PRRC2A: variants seen among roughly 807,000 people sequenced by gnomAD.
PRRC2A encodes the protein protein PRRC2A.
PRRC2A carries 59 observed loss-of-function variants against 224.6 expected under a neutral mutation model. The ratio of observed to expected loss-of-function variants is 0.26; its 90% CI spans 0.21 to 0.33. The LOEUF is 0.33. Ranked by LOEUF, PRRC2A falls within the 10% of genes least tolerant of loss-of-function variation. The probability of loss-of-function intolerance (pLI) is 1.00; values close to 1 mark genes in which losing one functional copy is unlikely to be tolerated. For synonymous variants in PRRC2A, 1,194 were observed against 1,109.5 expected, an observed-to-expected ratio of 1.08 and a Z score of -1.51; for missense variants, 3,095 against 2,880.7, an observed-to-expected ratio of 1.07 and a Z score of -1.70.
rs768743190 is a variant in PRRC2A at position 31,631,689 on chromosome 6, G to A, written c.3016G>A (p.Ala1006Thr). The A allele has an allele frequency of 2.0e-6, 3 of 1,514,198 alleles. No individual in the cohort carries two copies. The highest frequency in any genetic ancestry group is 2.6e-6 in the Non-Finnish European group (3 of 1,132,980). The allele number at this position is 1,514,198 out of a possible 1,614,324, so 93.8% of individuals were successfully genotyped here. Reference sequence around the variant, plus strand: ...CCCACCCAATGGAAATCTTTCCCCTGCCCCAAGGCTTCGGAGGGACTATTC... The same window carrying A: ...CCCACCCAATGGAAATCTTTCCCCTACCCCAAGGCTTCGGAGGGACTATTC... Reference protein sequence around the residue: ...ETPPNGNLSPAPRLRRDYSYE... With the variant: ...ETPPNGNLSPTPRLRRDYSYE... Residue 1006 changes from alanine to threonine, a missense_variant, in exon 16 of 31, where the codon GCC becomes ACC. Physicochemically the swap from Ala to Thr is moderately conservative, Grantham distance 58 (BLOSUM62 0). Coordinates refer to ENST00000376033, the MANE Select transcript of PRRC2A (RefSeq NM_004638.4). The surrounding 1 kb of genome is among the most constrained non-coding windows in gnomAD (Gnocchi z 4.5).
chr6:31,633,927 G>C lies in PRRC2A; in HGVS notation c.4657G>C (p.Val1553Leu). ...VGGTPRDSAG[V>L]SPFPPKRRER... The stretch of plus-strand genomic sequence containing the variant: ...TGGGACTCCTCGGGACTCTGCCGGG[G>C]TTAGTCCCTTTCCCCCTAAACGTCG... Residue 1553 changes from valine to leucine, a missense_variant, in exon 18 of 31, where the codon GTT (valine) becomes CTT (leucine). Physicochemically the swap from Val to Leu is conservative, Grantham distance 32. This residue lies in a region of PRRC2A where 2,001 missense variants were observed against 1,764.9 expected (regional missense o/e 1.13). Transcript: ENST00000376033. The C allele has an allele frequency of 6.3e-7, 1 of 1,591,904 alleles. No individual in the cohort carries two copies. The highest frequency in any genetic ancestry group is 8.5e-7 in the Non-Finnish European group (1 of 1,174,704).
At position 31,621,983 on chromosome 6, in the gene PRRC2A, A is replaced by G. The variant is rs375051824; in HGVS notation, c.-100-707A>G. On this transcript the variant is annotated intron_variant, in intron 1 of 30. Coordinates refer to ENST00000376033, the MANE Select transcript of PRRC2A (RefSeq NM_004638.4). The stretch of plus-strand genomic sequence containing the variant: ...CCATAATGCTTTTTCTCAGTTCTTC[A>G]TATGGTAAAACAGTATTTCATCTGG... 3.0e-4 allele frequency among the ~76,000 whole-genome samples: 46 copies of G among 152,366 alleles called. No individual in the cohort carries two copies. The South Asian group carries it at 7.7e-3, about 25-fold the overall frequency.
Position 31,626,983 on chromosome 6 carries a change from A to G in PRRC2A, c.1075A>G (p.Arg359Gly), listed in dbSNP as rs776601434. The change falls in exon 11 of 31, where the codon AGG becomes GGG. Residue 359 changes from arginine to glycine, a missense_variant and splice_region_variant. Arg to Gly is a moderately radical substitution (Grantham distance 125). Coordinates refer to ENST00000376033, the MANE Select transcript of PRRC2A (RefSeq NM_004638.4). ...DSDEEGAEGH[R>G]DSQSASGEER... The stretch of plus-strand genomic sequence containing the variant: ...ATTTCACTGTTGATCTGCTCACAGC[A>G]GGGATTCCCAATCAGCTTCTGGTGA... The G allele has an allele frequency of 2.5e-6, 4 of 1,614,236 alleles. No homozygotes were observed. The highest frequency in any genetic ancestry group is 1.6e-4 in the Middle Eastern group (1 of 6,062).
chr6:31,634,853 C>A lies in PRRC2A; in HGVS notation c.5036C>A (p.Ala1679Glu). ...TCCCCTGATGGAGGACTCAAGGGGGCAGCAGAGGGACCCCCCAAGAGGCCT... is the reference window on the plus strand; with the variant it reads ...TCCCCTGATGGAGGACTCAAGGGGGAAGCAGAGGGACCCCCCAAGAGGCCT... ...RSSPDGGLKG[A>E]AEGPPKRPGG... Residue 1679 changes from alanine to glutamate, a missense_variant, in exon 21 of 31, where the codon GCA (alanine) becomes GAA (glutamate). Ala to Glu is a moderately radical substitution (Grantham distance 107, BLOSUM62 -1). This residue lies in a region of PRRC2A where 662 missense variants were observed against 609.5 expected (regional missense o/e 1.09). Coordinates refer to ENST00000376033, the MANE Select transcript of PRRC2A (RefSeq NM_004638.4). 3.1e-6 allele frequency: 5 copies of A among 1,613,018 alleles called. No homozygotes were observed. Among genetic ancestry groups the A allele is most frequent in the Non-Finnish European group, 4.2e-6 (5 of 1,180,010 alleles).
chr6:31,624,482 C>T lies in PRRC2A; in HGVS notation c.423C>T (p.Ser141=). The T allele has an allele frequency of 6.2e-7, 1 of 1,613,974 alleles. No homozygotes were observed. Among genetic ancestry groups the T allele is most frequent in the Non-Finnish European group, 8.5e-7 (1 of 1,179,828 alleles). ...NTPLVPSGVK[S]WAQASVTHGA... is the part of the protein sequence containing the mutation. The stretch of plus-strand genomic sequence containing the variant: ...CTTTGGTTCCAAGCGGGGTAAAGTC[C>T]TGGGCACAAGCCAGCGTCACCCATG... The change falls in exon 5 of 31, where the codon TCC becomes TCT. Residue 141 remains serine, a synonymous_variant. Coordinates refer to ENST00000376033, the MANE Select transcript of PRRC2A (RefSeq NM_004638.4).
chr6:31,627,172 AACTGGGGCCCCCCTGGGG>A lies in PRRC2A; in HGVS notation c.1268_1285del (p.Trp423_Asp428del). 6.2e-7 allele frequency: 1 copy of A among 1,612,332 alleles called. No individual in the cohort carries two copies. The highest frequency in any genetic ancestry group is 8.5e-7 in the Non-Finnish European group (1 of 1,179,078). On this transcript the variant is annotated inframe_deletion, in exon 11 of 31. Coordinates refer to ENST00000376033, the MANE Select transcript of PRRC2A (RefSeq NM_004638.4). The surrounding 1 kb of genome is among the most constrained non-coding windows in gnomAD (Gnocchi z 5.6). The stretch of plus-strand genomic sequence containing the variant: ...CCCACCTCACCGGGGCCCCGCCGGG[AACTGGGGCCCCCCTGGGG>A]ACTACCCAGTGAGTGTCTCCAATAA...
Position 31,630,455 on chromosome 6 carries a change from A to T in PRRC2A, c.2255-136A>T, listed in dbSNP as rs1040219059. ...GAATCTGAGTGGATAACCTTGTTAT[A>T]TAAGAGCAGGCAAGGCCCGGACCTA... On this transcript the variant is annotated intron_variant, in intron 14 of 30. Coordinates refer to ENST00000376033, the MANE Select transcript of PRRC2A (RefSeq NM_004638.4). 4 of 760,846 alleles carry T rather than the reference A, an allele frequency of 5.3e-6. No homozygotes were observed. The Admixed American group carries it at 7.7e-5, about 15-fold the overall frequency. The allele number at this position is 760,846 out of a possible 1,614,324, so 47.1% of individuals were successfully genotyped here.
In PRRC2A at chr6:31,626,781, A is replaced by G; in HGVS notation, c.992A>G (p.Glu331Gly). The G allele has an allele frequency of 6.3e-6, 10 of 1,580,554 alleles. No individual in the cohort carries two copies. The highest frequency in any genetic ancestry group is 8.6e-6 in the Non-Finnish European group (10 of 1,163,176). Residue 331 changes from glutamate (E) to glycine (G), a missense_variant, in exon 10 of 31, where the codon GAA becomes GGA. Glu to Gly is a moderately conservative substitution (Grantham distance 98). This residue lies in a region of PRRC2A where 11 missense variants were observed against 30.0 expected (regional missense o/e 0.37). Transcript: ENST00000376033. ...ENDDGWAGAH[E>G]EVDYTEKLKF... ...TCATATTTCCCCTCAGGGGCCCATG[A>G]AGAGGTTGACTACACTGAAAAGCTC...
At chr6:31,633,686 C>T (rs1776957815) in intron 17 of PRRC2A, 39 bp downstream of exon 17, 1 of 1,574,296 alleles carries the variant, frequency 6.4e-7, no homozygotes, top group Non-Finnish European at 8.6e-7. Flanking sequence ...ATCTCCATCC[C>T]CAGAGAAGGT....
chr6:31,634,684 G>C, intron 20 of PRRC2A, 69 bp from the exon 21 acceptor site: 1 of 1,563,810 alleles, frequency 6.4e-7, no homozygotes, highest in South Asian at 1.1e-5. Flanking sequence ...CAGTTTGTAT[G>C]TGTGCATCAG....
chr6:31,628,673 T>G (rs1411910136), intron 12 of PRRC2A: 1 of 219,902 alleles, frequency 4.5e-6, no homozygotes, highest in Non-Finnish European at 9.0e-6. Context: ...GAAACCCGTC[T>G]CTACTAAAAA....
At position 31,627,618 on chromosome 6, in the gene PRRC2A, A is replaced by G; in HGVS notation, c.1291-147A>G. On this transcript the variant is annotated intron_variant, in intron 11 of 30. Coordinates refer to ENST00000376033, the MANE Select transcript of PRRC2A (RefSeq NM_004638.4). This position sits in a 1 kb window ranked among gnomAD's most constrained non-coding sequence, Gnocchi z 5.6. ...ACGTGGTCTCAAAGAAGACCAGGAT[A>G]ATGAGTTTGTCACCACCCAGAGAGA... The G allele has an allele frequency of 9.7e-7, 1 of 1,025,714 alleles. No individual in the cohort carries two copies. Among genetic ancestry groups the G allele is most frequent in the Non-Finnish European group, 1.4e-6 (1 of 722,112 alleles). The allele number at this position is 1,025,714 out of a possible 1,614,324, so 63.5% of individuals were successfully genotyped here. A position where few individuals can be genotyped will look rare whatever the true frequency, so the allele number is the denominator to read the frequency against.
In PRRC2A at chr6:31,635,739, C is replaced by T. The variant is rs765553115; in HGVS notation, c.5531C>T (p.Ser1844Phe). 1.3e-6 allele frequency: 2 copies of T among 1,585,524 alleles called. No homozygotes were observed. The highest frequency in any genetic ancestry group is 8.6e-7 in the Non-Finnish European group (1 of 1,166,996). The stretch of plus-strand genomic sequence containing the variant: ...GTTTTCTATGGCAGTGCTGGGCCTT[C>T]CAGTTCTCAGGTAGGCCCCGCTTCC... ...PEVFYGSAGP[S>F]SSQISGGAMD... Residue 1844 changes from serine (S) to phenylalanine (F), a missense_variant, in exon 24 of 31, where the codon TCC becomes TTC. Ser to Phe is a radical substitution (Grantham distance 155, BLOSUM62 -2). Transcript: ENST00000376033.
At chr6:31,633,722 A>T (rs1776962190) in intron 17 of PRRC2A, 75 bp downstream of exon 17, 3 of 1,541,492 alleles carry the variant, frequency 1.9e-6, no homozygotes, top group Non-Finnish European at 2.6e-6. Flanking sequence ...GCGGGTGGAG[A>T]ACCTGGCCTA....
rs752588140 is a variant in PRRC2A, at chr6:31,633,882, C to T, written c.4612C>T (p.Pro1538Ser). The T allele has an allele frequency of 1.3e-6, 2 of 1,580,178 alleles. No individual in the cohort carries two copies. Among genetic ancestry groups the T allele is most frequent in the Non-Finnish European group, 1.7e-6 (2 of 1,171,576 alleles). The change falls in exon 18 of 31, where the codon CCA becomes TCA. Residue 1538 changes from proline to serine, a missense_variant. Around this residue, in one of 8 missense-constraint regions of PRRC2A, gnomAD observed 2,001 missense variants for 1,764.9 expected, o/e 1.13. Coordinates refer to ENST00000376033, the MANE Select transcript of PRRC2A (RefSeq NM_004638.4). ...AGACCCCCACTTTGAGGAGCCGGGGCCAATGGTGAGAGGGGTGGGTGGGAC... is the reference window on the plus strand; with the variant it reads ...AGACCCCCACTTTGAGGAGCCGGGGTCAATGGTGAGAGGGGTGGGTGGGAC... ...SSDPHFEEPG[P>S]MVRGVGGTPR... is the part of the protein sequence containing the mutation.
intron 1 of PRRC2A, among the ~76,000 whole-genome samples, 164 bp downstream of exon 1, chr6:31,621,022 C>T (rs1294990645): frequency 6.6e-6 from 1 of 152,224 alleles, no homozygotes; most frequent in Non-Finnish European, 1.5e-5. Context: ...GCCCCTCCCC[C>T]TCCGGTACCT....
rs369038161 is a variant in PRRC2A, at chr6:31,630,572, T to C, written c.2255-19T>C. The C allele has an allele frequency of 6.2e-6, 10 of 1,613,122 alleles. No individual in the cohort carries two copies. Among genetic ancestry groups the C allele is most frequent in the African/African-American group, 1.3e-5 (1 of 74,800 alleles). ...GTGACATGAATAGGATTATTTTTCTTTTTCTTTGGTTTCTTCAGGCCTAGT... is the reference window on the plus strand; with the variant it reads ...GTGACATGAATAGGATTATTTTTCTCTTTCTTTGGTTTCTTCAGGCCTAGT... On this transcript the variant is annotated intron_variant, in intron 14 of 30. Coordinates refer to ENST00000376033, the MANE Select transcript of PRRC2A (RefSeq NM_004638.4).
intron 15 of PRRC2A, 142 bp downstream of exon 15, chr6:31,630,943 C>A: frequency 7.8e-7 from 1 of 1,285,202 alleles, no homozygotes; most frequent in African/African-American, 1.5e-5. Flanking sequence ...GTAATCCCAG[C>A]ATTTTGGGAG....
rs372059353 is a variant in PRRC2A, at chr6:31,635,119, G to A, written c.5161-13G>A. On this transcript the variant is annotated splice_polypyrimidine_tract_variant and intron_variant, in intron 21 of 30. Transcript: ENST00000376033. ...TCCCTCCCCCAATGCACTTTACTGT[G>A]TGCCCAATCCAGGAGCTGCCCCGGG... 33 of 1,613,178 alleles carry A rather than the reference G, an allele frequency of 2.0e-5. No individual in the cohort carries two copies. In the African/African-American group the frequency reaches 4.1e-4, roughly 20 times the overall value.
Sources: gnomAD v4.1 joint callset for allele counts (sites outside exome capture counted in the v4.1 genomes callset) on GRCh38, gnomAD v4.1.1 for gene constraint, gnomAD v4.1.1 regional missense constraint, Gnocchi (gnomAD v3.1) non-coding constraint, MANE v1.5 for transcripts, NCBI Gene and HGNC (gene_info 2026-07-23, HGNC 2026-07-21) for gene names.